RDH13: variants seen among roughly 807,000 people sequenced by gnomAD.
The protein encoded by RDH13 is retinol dehydrogenase 13.
In RDH13, 35 loss-of-function variants were observed where a neutral mutation model predicts 28.3. That is an observed-to-expected ratio of 1.24 (90% CI 0.95 to 1.64). The LOEUF is 1.64. Ranked by LOEUF, RDH13 falls within the 40% of genes most tolerant of loss-of-function variation. The pLI, the probability that RDH13 is intolerant of heterozygous loss-of-function variation, is 0.00. For missense variants in RDH13, 514 were observed against 446.3 expected, an observed-to-expected ratio of 1.15 and a Z score of -1.37; for synonymous variants, 229 against 198.5, an observed-to-expected ratio of 1.15 and a Z score of -1.29.
chr19:55,050,664 C>T (rs1367013104), intron 3 of RDH13: 2 of 152,102 alleles, frequency 1.3e-5, no homozygotes, highest in African/African-American at 4.8e-5. Context: ...ACCCTAATGA[C>T]CTCATTTTCA....
intron 2 of RDH13, 99 bp downstream of exon 2, chr19:55,059,058 G>T: frequency 2.7e-6 from 2 of 730,656 alleles, no homozygotes; most frequent in South Asian, 1.7e-5. Context: ...ATCTGTGGAT[G>T]GGTGCCTGGG....
chr19:55,062,729 TAA>T (rs1276886931), intron 1 of RDH13, among the ~76,000 whole-genome samples: 1 of 152,230 alleles, frequency 6.6e-6, no homozygotes, highest in Non-Finnish European at 1.5e-5. Flanking sequence ...ATAAAGAGTT[TAA>T]AAGTCTGGAA....
At chr19:55,059,356 C>G in intron 1 of RDH13, 81 bp from the exon 2 acceptor site, 1 of 846,842 alleles carries the variant, frequency 1.2e-6, no homozygotes, top group Non-Finnish European at 1.9e-6. Context: ...CTCAGGCAAC[C>G]TTGTCTGAGC....
intron 3 of RDH13, among the ~76,000 whole-genome samples, 181 bp from the exon 4 acceptor site, chr19:55,048,944 G>A (rs112744915): frequency 6.6e-6 from 1 of 152,168 alleles, no homozygotes; most frequent in Admixed American, 6.5e-5. Flanking sequence ...CCAATGACTG[G>A]TGTCCTTATA....
At position 55,048,353 on chromosome 19, in the gene RDH13, T is replaced by C. The variant is rs1402878940; in HGVS notation, c.634A>G (p.Lys212Glu). ...QSKLAIVLFT[K>E]ELSRRLQGSG... Reference sequence around the variant, plus strand: ...CCTTGCAGCCGCCGGCTCAGCTCCTTGGTGAAGAGGACGATGGCGAGCTTG... The same window carrying C: ...CCTTGCAGCCGCCGGCTCAGCTCCTCGGTGAAGAGGACGATGGCGAGCTTG... Residue 212 changes from lysine to glutamate, a missense_variant, in exon 5 of 7, where the codon AAG (lysine) becomes GAG (glutamate). Lys to Glu is a moderately conservative substitution (Grantham distance 56). Transcript: ENST00000415061. 5 of 1,613,984 alleles carry C rather than the reference T, an allele frequency of 3.1e-6. No homozygotes were observed. The highest frequency in any genetic ancestry group is 4.2e-6 in the Non-Finnish European group (5 of 1,180,026).
chr19:55,042,304 T>C (rs1331275705), downstream of RDH13: 1 of 152,174 alleles, frequency 6.6e-6, no homozygotes, highest in East Asian at 1.9e-4. Context: ...TCAGTTGCCA[T>C]CGCACATGTA....
chr19:55,051,731 TTTTTTTTTTTTC>T (rs1014993133), intron 3 of RDH13, among the ~76,000 whole-genome samples: 1 of 141,542 alleles, frequency 7.1e-6, no homozygotes, highest in African/African-American at 2.5e-5. Flanking sequence ...CCCAGCCTGT[TTTTTTTTTTTTC>T]TTTTTATGAG....
intron 1 of RDH13, among the ~76,000 whole-genome samples, chr19:55,060,520 A>G (rs2075776765): frequency 6.6e-6 from 1 of 152,196 alleles, no homozygotes; most frequent in African/African-American, 2.4e-5. Flanking sequence ...AATCAGTAAA[A>G]ACTGAGGGAA....
chr19:55,039,889 G>A (rs1405813556), downstream of RDH13, among the ~76,000 whole-genome samples: 17 of 152,112 alleles, frequency 1.1e-4, no homozygotes, highest in Non-Finnish European at 1.0e-4. Flanking sequence ...ATGCTACAAC[G>A]TGATGGACCT....
chr19:55,052,588 G>A (rs1219232081), intron 3 of RDH13, among the ~76,000 whole-genome samples: 1 of 150,222 alleles, frequency 6.7e-6, no homozygotes, highest in Non-Finnish European at 1.5e-5. Context: ...AACCTCCCAG[G>A]CTCAAGCAAT....
downstream of RDH13, chr19:55,040,460 C>G (rs996035594): frequency 3.9e-5 from 6 of 152,214 alleles, no homozygotes; most frequent in African/African-American, 1.2e-4. Context: ...GTGCCGTTGA[C>G]TTGTATGTGC....
At chr19:55,051,778 G>A (rs2075446974) in intron 3 of RDH13, among the ~76,000 whole-genome samples, 1 of 151,344 alleles carries the variant, frequency 6.6e-6, no homozygotes, top group East Asian at 1.9e-4. Context: ...AGTGGCCCAG[G>A]CTGGAGTGCA....
chr19:55,060,304 A>G (rs1388199300), intron 1 of RDH13, among the ~76,000 whole-genome samples: 2 of 151,200 alleles, frequency 1.3e-5, no homozygotes, highest in African/African-American at 2.5e-5. Context: ...AGACATGTTT[A>G]CAGCAATGCT....
rs555777592 is a variant in RDH13 at position 55,051,618 on chromosome 19, C to T, written c.341-2855G>A. Among the ~76,000 whole-genome samples the T allele has an allele frequency of 1.4e-4, 22 of 151,828 alleles. No homozygotes were observed. The East Asian group carries it at 2.9e-3, about 20-fold the overall frequency. ...CTAATTTTTGCATTTTTAGTAGAGACGGGGTTTCACCATCTTGGTCAGGCT... is the reference window on the plus strand; with the variant it reads ...CTAATTTTTGCATTTTTAGTAGAGATGGGGTTTCACCATCTTGGTCAGGCT... On this transcript the variant is annotated intron_variant, in intron 3 of 6. Coordinates refer to ENST00000415061, the MANE Select transcript of RDH13 (RefSeq NM_001145971.2).
chr19:55,059,065 T>C lies in RDH13; in HGVS notation c.184+92A>G, dbSNP rs1037130948. On this transcript the variant is annotated intron_variant, in intron 2 of 6. Transcript: ENST00000415061. ...CCCTGTTCATCTGTGGATGGGTGCC[T>C]GGGTTCCTTCCACCTCCGGACTGTG... The C allele has an allele frequency of 6.3e-5, 50 of 795,432 alleles. No individual in the cohort carries two copies. In the African/African-American group the frequency reaches 8.1e-4, roughly 13 times the overall value. 49.3% of individuals were successfully genotyped at this position (795,432 alleles called of 1,614,324 possible).
intron 2 of RDH13, among the ~76,000 whole-genome samples, chr19:55,058,015 A>G (rs559120548): frequency 1.2e-3 from 179 of 151,668 alleles, no homozygotes; most frequent in African/African-American, 4.3e-3. Flanking sequence ...GCCTCAAGTG[A>G]TCCTCCTGCC....
chr19:55,062,283 T>TCCCC (rs1289751247), intron 1 of RDH13, among the ~76,000 whole-genome samples: 1 of 151,996 alleles, frequency 6.6e-6, no homozygotes, highest in Non-Finnish European at 1.5e-5. Context: ...CAAGATAGTG[T>TCCCC]CCAGCAACAG....
upstream of RDH13, among the ~76,000 whole-genome samples, chr19:55,066,632 C>T (rs1230572184): frequency 6.8e-6 from 1 of 147,106 alleles, no homozygotes; most frequent in Non-Finnish European, 1.5e-5. Flanking sequence ...CTCTTTCTCT[C>T]CTCTCTCTCT....
rs376499661 is a variant in RDH13, at chr19:55,048,795, C to T, written c.341-32G>A. On this transcript the variant is annotated intron_variant, in intron 3 of 6. Transcript: ENST00000415061. Reference sequence around the variant, plus strand: ...GAGAGGGGTGGAGGAGGAGACATCCCGGTGAGGACAGACCCCAGCCTGATG... The same window carrying T: ...GAGAGGGGTGGAGGAGGAGACATCCTGGTGAGGACAGACCCCAGCCTGATG... The T allele has an allele frequency of 2.7e-5, 43 of 1,577,782 alleles. No homozygotes were observed. The East Asian group carries it at 4.1e-4, about 15-fold the overall frequency.
Sources: gnomAD v4.1 joint callset for allele counts (sites outside exome capture counted in the v4.1 genomes callset) on GRCh38, gnomAD v4.1.1 for gene constraint, MANE v1.5 for transcripts, NCBI Gene and HGNC (gene_info 2026-07-23, HGNC 2026-07-21) for gene names.